ABCA5: variants seen among roughly 807,000 people sequenced by gnomAD.
The protein encoded by ABCA5 is cholesterol transporter ABCA5.
ABCA5 carries 163 observed loss-of-function variants against 206.0 expected under a neutral mutation model. The observed-to-expected ratio is 0.79, with a 90% CI of 0.70 to 0.90. The LOEUF is 0.90. ABCA5 is among the 40% of genes least tolerant of loss of function. The pLI is 0.00. For synonymous variants in ABCA5, 609 were observed against 613.8 expected (o/e 0.99, Z 0.11); for missense variants, 1,859 against 1,912.9 (o/e 0.97, Z 0.53).
intron 17 of ABCA5, among the ~76,000 whole-genome samples, chr17:69,284,443 A>G (rs1779534735): frequency 6.6e-6 from 1 of 152,116 alleles, no homozygotes; most frequent in Admixed American, 6.5e-5. Context: ...ATATCATATT[A>G]TAAACTAACA....
chr17:69,281,924 T>G (rs113043450), intron 18 of ABCA5, among the ~76,000 whole-genome samples: 1,865 of 152,322 alleles, frequency 0.012, 28 homozygotes, highest in African/African-American at 0.043. Context: ...GCATCTCAAC[T>G]CTTTTAACAA....
rs746307111 is a variant in ABCA5 at position 69,253,590 on chromosome 17, T to G, written c.4398A>C (p.Lys1466Asn). 3 of 1,613,666 alleles carry G rather than the reference T, an allele frequency of 1.9e-6. No individual in the cohort carries two copies. Among genetic ancestry groups the G allele is most frequent in the Non-Finnish European group, 2.5e-6 (3 of 1,179,656 alleles). The change falls in exon 34 of 39, where the codon AAA (lysine) becomes AAC (asparagine). Residue 1466 changes from lysine to asparagine, a missense_variant. By Grantham distance (94) the Lys-to-Asn change is moderately conservative. Coordinates refer to ENST00000392676, the MANE Select transcript of ABCA5 (RefSeq NM_172232.4). The stretch of plus-strand genomic sequence containing the variant: ...ATACTCACCACATGTGCTGTTTGGC[T>G]TTGGGATCCATACCTGTAGATGGTT... ...LDEPSTGMDP[K>N]AKQHMWRAIR... is the part of the protein sequence containing the mutation.
In ABCA5 at chr17:69,276,659, T is replaced by C. The variant is rs573319230; in HGVS notation, c.2594+982A>G. ...TCACACACCGGGGCCTGTTGGAGGG[T>C]TGGGACTGGGGAGGGATAGCATTAG... On this transcript the variant is annotated intron_variant, in intron 19 of 38. Transcript: ENST00000392676. 1.3e-3 allele frequency among the ~76,000 whole-genome samples: 194 copies of C among 151,756 alleles called. 1 individual carries two copies. Among genetic ancestry groups the C allele is most frequent in the South Asian group, 3.2e-3 (15 of 4,756 alleles).
intron 9 of ABCA5, among the ~76,000 whole-genome samples, chr17:69,298,063 G>C (rs1190818935): frequency 6.6e-6 from 1 of 152,012 alleles, no homozygotes; most frequent in Non-Finnish European, 1.5e-5. Context: ...GTGCATGCCT[G>C]TAGTCCCAGC....
At chr17:69,287,896 G>T in intron 14 of ABCA5, 145 bp from the exon 15 acceptor site, 1 of 799,320 alleles carries the variant, frequency 1.3e-6, no homozygotes, top group Non-Finnish European at 1.7e-6. Flanking sequence ...ATTCATAATT[G>T]AGTTCACATA....
chr17:69,266,921 C>G (rs2075215781), intron 23 of ABCA5, among the ~76,000 whole-genome samples: 1 of 151,678 alleles, frequency 6.6e-6, no homozygotes, highest in South Asian at 2.1e-4. Context: ...GTTGCCCAGG[C>G]TGGAGTGCAA....
chr17:69,253,882 C>T lies in ABCA5; in HGVS notation c.4245-13G>A, dbSNP rs1443443823. The stretch of plus-strand genomic sequence containing the variant: ...TGCATGTGTTATTCTGCAAAATGAA[C>T]AATACAAAATGAGAATACCATGATA... On this transcript the variant is annotated splice_polypyrimidine_tract_variant and intron_variant, in intron 32 of 38. Transcript: ENST00000392676. 6.3e-7 allele frequency: 1 copy of T among 1,597,990 alleles called. No individual in the cohort carries two copies. Among genetic ancestry groups the T allele is most frequent in the South Asian group, 1.1e-5 (1 of 89,942 alleles).
chr17:69,284,829 T>C (rs2075432441), intron 17 of ABCA5, among the ~76,000 whole-genome samples: 1 of 152,208 alleles, frequency 6.6e-6, no homozygotes, highest in Non-Finnish European at 1.5e-5. Context: ...ATTTTGGTAT[T>C]ATTAGAAAAA....
intron 15 of ABCA5, among the ~76,000 whole-genome samples, chr17:69,287,003 G>A (rs1447598638): frequency 6.6e-6 from 1 of 152,142 alleles, no homozygotes; most frequent in East Asian, 1.9e-4. Context: ...CTTGGATTTG[G>A]GAGGGTTCCT....
Position 69,308,315 on chromosome 17 carries a change from C to T in ABCA5, c.523G>A (p.Val175Ile), listed in dbSNP as rs1283678331. ...AAQYWSSGFTVLQASIDAAII... is the reference protein window; with the variant it reads ...AAQYWSSGFTILQASIDAAII... ...GCAGCATCTATGGATGCTTGTAAAA[C>T]TGTGAAACCTGAGGACCAGTACTGA... The change falls in exon 5 of 39, where the codon GTT (valine) becomes ATT (isoleucine). Residue 175 changes from valine to isoleucine, a missense_variant. Physicochemically the swap from Val to Ile is conservative, Grantham distance 29. Coordinates refer to ENST00000392676, the MANE Select transcript of ABCA5 (RefSeq NM_172232.4). 2 of 1,611,730 alleles carry T rather than the reference C, an allele frequency of 1.2e-6. No individual in the cohort carries two copies. Among genetic ancestry groups the T allele is most frequent in the Admixed American group, 1.7e-5 (1 of 59,946 alleles).
At position 69,246,529 on chromosome 17, in the gene ABCA5, G is replaced by A. The variant is rs1356376485; in HGVS notation, c.*1008C>T. The A allele has an allele frequency of 1.3e-5, 2 of 152,012 alleles. No homozygotes were observed. Among genetic ancestry groups the A allele is most frequent in the Non-Finnish European group, 2.9e-5 (2 of 67,818 alleles). 9.4% of individuals were successfully genotyped at this position (152,012 alleles called of 1,614,324 possible). A position where few individuals can be genotyped will look rare whatever the true frequency, so the allele number is the denominator to read the frequency against. ...ACAATTCTTAATTTAACCCTTGAAAGAGTTTATTCATATCCTACCATGTTC... is the reference window on the plus strand; with the variant it reads ...ACAATTCTTAATTTAACCCTTGAAAAAGTTTATTCATATCCTACCATGTTC... On this transcript the variant is annotated 3_prime_UTR_variant, in exon 39 of 39. Coordinates refer to ENST00000392676, the MANE Select transcript of ABCA5 (RefSeq NM_172232.4).
At position 69,253,566 on chromosome 17, in the gene ABCA5, T is replaced by C. The variant is rs767438535; in HGVS notation, c.4415+7A>G. On this transcript the variant is annotated splice_region_variant and intron_variant, in intron 34 of 38. Coordinates refer to ENST00000392676, the MANE Select transcript of ABCA5 (RefSeq NM_172232.4). Reference sequence around the variant, plus strand: ...ATCATGTACTGTGTCACAAGTACCATACTCACCACATGTGCTGTTTGGCTT... The same window carrying C: ...ATCATGTACTGTGTCACAAGTACCACACTCACCACATGTGCTGTTTGGCTT... 3.8e-6 allele frequency: 6 copies of C among 1,599,814 alleles called. No homozygotes were observed. Among genetic ancestry groups the C allele is most frequent in the Non-Finnish European group, 3.4e-6 (4 of 1,167,234 alleles).
At chr17:69,318,088 C>CTA (rs1242926405) in intron 1 of ABCA5, among the ~76,000 whole-genome samples, 2 of 150,418 alleles carry the variant, frequency 1.3e-5, no homozygotes, top group Non-Finnish European at 3.0e-5. Context: ...GGAAGACTGT[C>CTA]TACACCTAAA....
intron 32 of ABCA5, 71 bp downstream of exon 32, chr17:69,254,244 G>T: frequency 1.5e-6 from 2 of 1,291,730 alleles, no homozygotes; most frequent in South Asian, 1.7e-5. Context: ...TGCTTGTTAT[G>T]AAATTTTAAA....
chr17:69,308,376 G>A lies in ABCA5; in HGVS notation c.470-8C>T. 1 of 1,599,132 alleles carries A rather than the reference G, an allele frequency of 6.3e-7. No homozygotes were observed. The highest frequency in any genetic ancestry group is 8.6e-7 in the Non-Finnish European group (1 of 1,167,454). ...ATGATTTTGAACAGCCAGCTATGGG[G>A]GGAAGAATATGAGATCTAAGATTCT... is the stretch of plus-strand genomic sequence containing the variant. On this transcript the variant is annotated splice_polypyrimidine_tract_variant and splice_region_variant and intron_variant, in intron 4 of 38. Coordinates refer to ENST00000392676, the MANE Select transcript of ABCA5 (RefSeq NM_172232.4).
chr17:69,326,056 C>A lies in ABCA5; in HGVS notation c.-16+996G>T, dbSNP rs1332571698. ...TAAAACACATACAATATTGCTCTCC[C>A]GGCAAACACAAAATATACTAAATAA... On this transcript the variant is annotated intron_variant, in intron 1 of 38. Coordinates refer to ENST00000392676, the MANE Select transcript of ABCA5 (RefSeq NM_172232.4). This position sits in a 1 kb window ranked among gnomAD's most constrained non-coding sequence, Gnocchi z 4.8. Among the ~76,000 whole-genome samples, 1 of 152,164 alleles carries A rather than the reference C, an allele frequency of 6.6e-6. No individual in the cohort carries two copies. The highest frequency in any genetic ancestry group is 1.5e-5 in the Non-Finnish European group (1 of 68,032).
At chr17:69,250,779 A>T in intron 35 of ABCA5, 158 bp from the exon 36 acceptor site, 1 of 431,570 alleles carries the variant, frequency 2.3e-6, no homozygotes, top group East Asian at 4.2e-5. Flanking sequence ...ATCCGGTTTC[A>T]GTTTCCCTAA....
At chr17:69,314,052 A>G (rs923220080) in intron 2 of ABCA5, among the ~76,000 whole-genome samples, 7 of 152,190 alleles carry the variant, frequency 4.6e-5, no homozygotes, top group African/African-American at 1.7e-4. Flanking sequence ...CTTAGGAAAC[A>G]CATGCCTAAA....
intron 5 of ABCA5, 55 bp from the exon 6 acceptor site, chr17:69,307,009 T>C (rs1271943114): frequency 2.3e-6 from 3 of 1,286,334 alleles, no homozygotes; most frequent in Non-Finnish European, 3.1e-6. Context: ...TAGCAGCCCC[T>C]AGTAAAACGG....
Sources: gnomAD v4.1 joint callset for allele counts (sites outside exome capture counted in the v4.1 genomes callset) on GRCh38, gnomAD v4.1.1 for gene constraint, Gnocchi (gnomAD v3.1) non-coding constraint, MANE v1.5 for transcripts, NCBI Gene and HGNC (gene_info 2026-07-23, HGNC 2026-07-21) for gene names.